Variants in CCDC88C observed in about 807,000 individuals in gnomAD.
CCDC88C encodes protein Daple.
CCDC88C carries 131 observed loss-of-function variants against 198.8 expected under a neutral mutation model. That is an observed-to-expected ratio of 0.66 (90% confidence interval 0.57 to 0.76). The LOEUF (loss-of-function observed/expected upper bound fraction) is 0.76, where lower values mean the gene tolerates loss of function less well. Ranked by LOEUF, CCDC88C falls within the 30% of genes least tolerant of loss-of-function variation. CCDC88C has a pLI of 0.00. For synonymous variants in CCDC88C, 1,166 were observed against 1,114.7 expected, an observed-to-expected ratio of 1.05 and a Z score of -0.92; for missense variants, 2,553 against 2,631.6, an observed-to-expected ratio of 0.97 and a Z score of 0.65.
chr14:91,384,952 A>G (rs1381396603), intron 3 of CCDC88C, among the ~76,000 whole-genome samples: 1 of 152,150 alleles, frequency 6.6e-6, no homozygotes, highest in Admixed American at 6.5e-5. Context: ...CCCATCCTCT[A>G]AAGATGACAA....
chr14:91,273,379 G>C lies in CCDC88C; in HGVS notation c.5333C>G (p.Ser1778Cys), dbSNP rs772224186. 2 of 1,533,530 alleles carry C rather than the reference G, an allele frequency of 1.3e-6. No individual in the cohort carries two copies. The highest frequency in any genetic ancestry group is 2.1e-5 in the Admixed American group (1 of 48,114). The allele number at this position is 1,533,530 out of a possible 1,614,324, so 95.0% of individuals were successfully genotyped here. Residue 1778 changes from serine to cysteine, a missense_variant, in exon 30 of 30, where the codon TCT (serine) becomes TGT (cysteine). By Grantham distance (112) the Ser-to-Cys change is moderately radical. Transcript: ENST00000389857. This position sits in a 1 kb window ranked among gnomAD's most constrained non-coding sequence, Gnocchi z 5.6. ...CGGAGCCTGCCGGGGTCTGCCCAGA[G>C]ACAGGCTCTGGGGAGGCTGGGCCTG... ...PRQAQPPQSL[S>C]LGRPRQAPVP...
At chr14:91,386,477 A>G (rs1717412863) in intron 3 of CCDC88C, among the ~76,000 whole-genome samples, 1 of 151,996 alleles carries the variant, frequency 6.6e-6, no homozygotes, top group East Asian at 1.9e-4. Flanking sequence ...AAATAAATAA[A>G]CAAATAAACA....
intron 3 of CCDC88C, among the ~76,000 whole-genome samples, chr14:91,383,378 G>T (rs1216793474): frequency 6.6e-6 from 1 of 152,160 alleles, no homozygotes; most frequent in South Asian, 2.1e-4. Flanking sequence ...AAAGACTGTC[G>T]TTGTTTCCAC....
intron 15 of CCDC88C, among the ~76,000 whole-genome samples, chr14:91,311,326 T>G (rs1392712053): frequency 6.6e-6 from 1 of 152,228 alleles, no homozygotes; most frequent in Non-Finnish European, 1.5e-5. Flanking sequence ...ATTGCCTGCA[T>G]GGATCGTCAG....
intron 3 of CCDC88C, among the ~76,000 whole-genome samples, chr14:91,384,891 G>A (rs1420874968): frequency 1.3e-5 from 2 of 152,160 alleles, no homozygotes; most frequent in African/African-American, 2.4e-5. Flanking sequence ...TCCACAGCAC[G>A]GGGGTGGTTC....
intron 25 of CCDC88C, among the ~76,000 whole-genome samples, chr14:91,286,462 CATCCTCCACTCCA>C (rs370954152): frequency 3.3e-5 from 5 of 152,218 alleles, no homozygotes; most frequent in Non-Finnish European, 7.3e-5. Context: ...CTTCTATATA[CATCCTCCACTCCA>C]ATCCTCCACT....
At chr14:91,376,328 A>G (rs976009049) in intron 3 of CCDC88C, among the ~76,000 whole-genome samples, 1 of 152,116 alleles carries the variant, frequency 6.6e-6, no homozygotes, top group African/African-American at 2.4e-5. Flanking sequence ...CACACTCATG[A>G]CTGCCTCGAT....
chr14:91,381,861 G>A lies in CCDC88C; in HGVS notation c.271-22150C>T, dbSNP rs1018924238. Among the ~76,000 whole-genome samples the A allele has an allele frequency of 5.3e-5, 8 of 152,062 alleles. No individual in the cohort carries two copies. The East Asian group carries it at 5.8e-4, about 11-fold the overall frequency. On this transcript the variant is annotated intron_variant, in intron 3 of 29. Transcript: ENST00000389857. This position sits in a 1 kb window ranked among gnomAD's most constrained non-coding sequence, Gnocchi z 4.2. The stretch of plus-strand genomic sequence containing the variant: ...CAACAAAAAACCGGCCCTTTCTTGC[G>A]AGACTCAGCTCACTCCTCTCTCCAG...
chr14:91,342,442 T>A lies in CCDC88C; in HGVS notation c.421A>T (p.Ile141Phe). 1.3e-6 allele frequency: 2 copies of A among 1,594,674 alleles called. No homozygotes were observed. The highest frequency in any genetic ancestry group is 1.7e-6 in the Non-Finnish European group (2 of 1,170,194). ...ATGTCCAGCTGTTTGATTCTTTCAA[T>A]GAACTCCTCTTTCCTCTCACACTGC... is the stretch of plus-strand genomic sequence containing the variant. ...AVQCERKEEF[I>F]ERIKQLDIET... The change falls in exon 6 of 30, where the codon ATT (isoleucine) becomes TTT (phenylalanine). Residue 141 changes from isoleucine to phenylalanine, a missense_variant. Coordinates refer to ENST00000389857, the MANE Select transcript of CCDC88C (RefSeq NM_001080414.4).
intron 2 of CCDC88C, among the ~76,000 whole-genome samples, chr14:91,413,376 T>G (rs971849634): frequency 2.0e-5 from 3 of 152,212 alleles, no homozygotes; most frequent in Admixed American, 1.3e-4. Flanking sequence ...AGAGTTTCAG[T>G]CATTTGCCCA....
At chr14:91,360,205 G>GCTGGATTGAGA (rs1894243906) in intron 3 of CCDC88C, among the ~76,000 whole-genome samples, 1 of 151,012 alleles carries the variant, frequency 6.6e-6, no homozygotes, top group African/African-American at 2.4e-5. Context: ...ATAGCTTGAG[G>GCTGGATTGAGA]CCAGGATTTC....
intron 10 of CCDC88C, among the ~76,000 whole-genome samples, chr14:91,335,114 T>C (rs1401326441): frequency 6.6e-6 from 1 of 152,164 alleles, no homozygotes; most frequent in African/African-American, 2.4e-5. Flanking sequence ...AGAACTGCTC[T>C]ACATGCTGAG....
In CCDC88C at chr14:91,352,596, CCATT is replaced by C. The variant is rs1404150466; in HGVS notation, c.340+7042_340+7045del. On this transcript the variant is annotated intron_variant, in intron 4 of 29. Transcript: ENST00000389857. This position sits in a 1 kb window ranked among gnomAD's most constrained non-coding sequence, Gnocchi z 4.2. The stretch of plus-strand genomic sequence containing the variant: ...TTAGCTTTTTCTTATTTCTTCCCTC[CCATT>C]CAAACGCCCAAAACGTTTTGCAAAT... Among the ~76,000 whole-genome samples the C allele has an allele frequency of 6.6e-6, 1 of 152,196 alleles. No individual in the cohort carries two copies. Among genetic ancestry groups the C allele is most frequent in the African/African-American group, 2.4e-5 (1 of 41,420 alleles).
chr14:91,303,986 G>C lies in CCDC88C; in HGVS notation c.3358-8C>G. 9 of 1,595,206 alleles carry C rather than the reference G, an allele frequency of 5.6e-6. No individual in the cohort carries two copies. Among genetic ancestry groups the C allele is most frequent in the South Asian group, 1.1e-5 (1 of 90,952 alleles). On this transcript the variant is annotated splice_region_variant and splice_polypyrimidine_tract_variant and intron_variant, in intron 19 of 29. Coordinates refer to ENST00000389857, the MANE Select transcript of CCDC88C (RefSeq NM_001080414.4). ...CAGCGTGGAGTTCTCCACCTGCCGA[G>C]AGGGAGAAGCGCGGCGTGGCGCAGG...
At chr14:91,346,035 C>G (rs1410444277) in intron 4 of CCDC88C, among the ~76,000 whole-genome samples, 1 of 152,168 alleles carries the variant, frequency 6.6e-6, no homozygotes, top group Non-Finnish European at 1.5e-5. Context: ...TTAACCAACT[C>G]ACACACTGGG....
At chr14:91,286,543 T>A (rs1176494133) in intron 25 of CCDC88C, among the ~76,000 whole-genome samples, 1 of 152,228 alleles carries the variant, frequency 6.6e-6, no homozygotes, top group African/African-American at 2.4e-5. Flanking sequence ...TAAACTGTCT[T>A]ATAGTAACAT....
chr14:91,313,530 C>G lies in CCDC88C; in HGVS notation c.2286G>C (p.Gln762His), dbSNP rs1454025758. 5 of 1,609,818 alleles carry G rather than the reference C, an allele frequency of 3.1e-6. No individual in the cohort carries two copies. The highest frequency in any genetic ancestry group is 2.7e-5 in the African/African-American group (2 of 74,946). ...KKSERLELSYQSVSAENLRLQ... is the reference protein window; with the variant it reads ...KKSERLELSYHSVSAENLRLQ... Reference sequence around the variant, plus strand: ...GCCGGAGGTTCTCAGCGCTCACGCTCTGGTAGCTGAGCTCCAGGCGCTCTG... The same window carrying G: ...GCCGGAGGTTCTCAGCGCTCACGCTGTGGTAGCTGAGCTCCAGGCGCTCTG... The change falls in exon 15 of 30, where the codon CAG (glutamine) becomes CAC (histidine). Residue 762 changes from glutamine to histidine, a missense_variant. By Grantham distance (24) the Gln-to-His change is conservative. Around this residue, in one of 2 missense-constraint regions of CCDC88C, gnomAD observed 1,260 missense variants for 1,412.0 expected, o/e 0.89. Coordinates refer to ENST00000389857, the MANE Select transcript of CCDC88C (RefSeq NM_001080414.4). This position sits in a 1 kb window ranked among gnomAD's most constrained non-coding sequence, Gnocchi z 5.2.
intron 4 of CCDC88C, among the ~76,000 whole-genome samples, chr14:91,356,483 C>T (rs1894044804): frequency 6.6e-6 from 1 of 152,146 alleles, no homozygotes; most frequent in Non-Finnish European, 1.5e-5. Context: ...GAGCTGGGAC[C>T]AGCTGATCCA....
At chr14:91,408,254 T>C (rs940628627) in intron 3 of CCDC88C, 2 of 191,650 alleles carry the variant, frequency 1.0e-5, no homozygotes, top group Non-Finnish European at 2.2e-5. Flanking sequence ...CAGTGGTTCC[T>C]CCTCTCCCTC....
Sources: gnomAD v4.1 joint callset for allele counts (sites outside exome capture counted in the v4.1 genomes callset) on GRCh38, gnomAD v4.1.1 for gene constraint, gnomAD v4.1.1 regional missense constraint, Gnocchi (gnomAD v3.1) non-coding constraint, MANE v1.5 for transcripts, NCBI Gene and HGNC (gene_info 2026-07-23, HGNC 2026-07-21) for gene names.